Variants in AMOT observed in about 807,000 individuals in gnomAD.
The protein encoded by AMOT is angiomotin.
AMOT carries 11 observed loss-of-function variants against 67.0 expected under a neutral mutation model. The ratio of observed to expected loss-of-function variants is 0.16; its 90% confidence interval spans 0.10 to 0.27. The LOEUF (loss-of-function observed/expected upper bound fraction) is 0.27, where lower values mean the gene tolerates loss of function less well. Among genes scored for constraint, AMOT ranks in the 10% least tolerant of loss-of-function variants. The pLI, the probability that AMOT is intolerant of heterozygous loss-of-function variation, is 1.00. For synonymous variants in AMOT, 326 were observed against 321.4 expected (o/e 1.01, Z -0.15); for missense variants, 753 against 852.0 (o/e 0.88, Z 1.45).
chrX:112,800,652 A>T (rs759106435), intron 8 of AMOT, among the ~76,000 whole-genome samples: 1 of 112,558 alleles, frequency 8.9e-6, no homozygotes, highest in South Asian at 3.7e-4. Context: ...GATAGGTGTC[A>T]TAGCAGAAAA....
intron 5 of AMOT, among the ~76,000 whole-genome samples, chrX:112,813,835 A>G (rs771348863): frequency 1.1e-4 from 12 of 111,899 alleles, no homozygotes; most frequent in Non-Finnish European, 2.1e-4. Context: ...CACCAAAGCG[A>G]TGGGGATAGG....
At chrX:112,833,670 T>C (rs1332344230) in intron 1 of AMOT, among the ~76,000 whole-genome samples, 1 of 112,224 alleles carries the variant, frequency 8.9e-6, no homozygotes, top group Non-Finnish European at 1.9e-5. Context: ...CCCTAATTCA[T>C]ACGGGAAATT....
At position 112,815,872 on chromosome X, in the gene AMOT, G is replaced by C. The variant is rs761571019; in HGVS notation, c.878C>G (p.Ala293Gly). Residue 293 changes from alanine (A) to glycine (G), a missense_variant, in exon 5 of 14, where the codon GCG becomes GGG. Coordinates refer to ENST00000371959, the MANE Select transcript of AMOT (RefSeq NM_001113490.2). ...HPPEYGAARP[A>G]QDISLPLSAR... ...TGACAATGGCAATGAGATGTCCTGCGCTGGCCTGTAAAACATGAAGGGCAG... is the reference window on the plus strand; with the variant it reads ...TGACAATGGCAATGAGATGTCCTGCCCTGGCCTGTAAAACATGAAGGGCAG... 1 of 1,161,045 alleles carries C rather than the reference G, an allele frequency of 8.6e-7. No homozygotes were observed. The highest frequency in any genetic ancestry group is 1.8e-5 in the African/African-American group (1 of 55,216).
At chrX:112,810,442 C>G (rs755209646) in intron 6 of AMOT, among the ~76,000 whole-genome samples, 3 of 112,322 alleles carry the variant, frequency 2.7e-5, no homozygotes, top group African/African-American at 9.7e-5. Context: ...GGCACAGTGA[C>G]TCATGCCTGT....
chrX:112,820,006 G>C (rs751441600), intron 4 of AMOT, among the ~76,000 whole-genome samples: 2 of 112,185 alleles, frequency 1.8e-5, no homozygotes, highest in Admixed American at 9.4e-5. Context: ...CCTTAAAGCA[G>C]TACACTTCTG....
chrX:112,806,486 G>A (rs1386410659), intron 7 of AMOT, among the ~76,000 whole-genome samples: 1 of 108,775 alleles, frequency 9.2e-6, no homozygotes, highest in Non-Finnish European at 1.9e-5. Context: ...AGAGCTTAGT[G>A]GGCAGATAAT....
rs184810491 is a variant in AMOT at position 112,815,368 on chromosome X, C to T, written c.1382G>A (p.Arg461Lys). 11 of 1,207,036 alleles carry T rather than the reference C, an allele frequency of 9.1e-6. No individual in the cohort carries two copies. Among genetic ancestry groups the T allele is most frequent in the Non-Finnish European group, 1.2e-5 (11 of 893,659 alleles). The change falls in exon 5 of 14, where the codon AGA becomes AAA. Residue 461 changes from arginine (R) to lysine (K), a missense_variant. Coordinates refer to ENST00000371959, the MANE Select transcript of AMOT (RefSeq NM_001113490.2). Reference protein sequence around the residue: ...ELEGCYEKVARLQKVETEIQR... With the variant: ...ELEGCYEKVAKLQKVETEIQR... ...AAACGGAAGCCTCACCTTCTGCAGT[C>T]TTGCCACCTTCTCATAGCATCCTTC...
intron 2 of AMOT, among the ~76,000 whole-genome samples, chrX:112,829,923 CTTCT>C (rs1934945396): frequency 1.8e-5 from 2 of 111,702 alleles, no homozygotes; most frequent in African/African-American, 6.5e-5. Context: ...ATCACATCCC[CTTCT>C]TTATTATCTC....
chrX:112,793,901 T>C (rs916644959), intron 8 of AMOT, among the ~76,000 whole-genome samples: 1 of 112,288 alleles, frequency 8.9e-6, no homozygotes, highest in African/African-American at 3.2e-5. Flanking sequence ...GCCTCTGCCT[T>C]CCTATTTGCT....
At chrX:112,805,172 C>A in intron 7 of AMOT, 80 bp from the exon 8 acceptor site, 1 of 1,115,887 alleles carries the variant, frequency 9.0e-7, no homozygotes, top group Non-Finnish European at 1.2e-6. Flanking sequence ...CACATCATAC[C>A]CTTTACTAGA....
chrX:112,809,785 T>C lies in AMOT; in HGVS notation c.1630+109A>G, dbSNP rs1297212613. Reference sequence around the variant, plus strand: ...TAGGAAAAACAATCCTTAGGTGATATTGACTCTGCCCTGGCTGTTCTAAAA... The same window carrying C: ...TAGGAAAAACAATCCTTAGGTGATACTGACTCTGCCCTGGCTGTTCTAAAA... On this transcript the variant is annotated intron_variant, in intron 7 of 13. Coordinates refer to ENST00000371959, the MANE Select transcript of AMOT (RefSeq NM_001113490.2). 1.1e-5 allele frequency: 7 copies of C among 618,398 alleles called. No individual in the cohort carries two copies. The African/African-American group carries it at 1.3e-4, about 12-fold the overall frequency. The allele number at this position is 618,398 out of a possible 1,213,427, so 51.0% of individuals were successfully genotyped here. A position where few individuals can be genotyped will look rare whatever the true frequency, so the allele number is the denominator to read the frequency against.
At chrX:112,814,354 G>C (rs1225875345) in intron 5 of AMOT, among the ~76,000 whole-genome samples, 1 of 111,385 alleles carries the variant, frequency 9.0e-6, no homozygotes, top group African/African-American at 3.3e-5. Flanking sequence ...CAGATTTGGT[G>C]TCTGTTTACA....
intron 8 of AMOT, among the ~76,000 whole-genome samples, chrX:112,796,691 C>G (rs1399369579): frequency 2.7e-5 from 3 of 111,963 alleles, no homozygotes; most frequent in African/African-American, 9.7e-5. Context: ...CTCCCGCCTC[C>G]TACAGTACTC....
chrX:112,818,678 A>G (rs1934632424), intron 4 of AMOT, among the ~76,000 whole-genome samples: 1 of 111,590 alleles, frequency 9.0e-6, no homozygotes, highest in African/African-American at 3.3e-5. Context: ...TTAAGGAATG[A>G]CGGGGTAAGG....
chrX:112,828,543 A>C (rs1244109993), intron 2 of AMOT, among the ~76,000 whole-genome samples: 3 of 108,689 alleles, frequency 2.8e-5, no homozygotes, highest in Non-Finnish European at 5.7e-5. Context: ...AATTTTATGA[A>C]GAAAGGTTGT....
intron 7 of AMOT, among the ~76,000 whole-genome samples, 180 bp downstream of exon 7, chrX:112,809,714 T>C (rs1260396153): frequency 9.0e-6 from 1 of 111,154 alleles, no homozygotes; most frequent in African/African-American, 3.3e-5. Context: ...AGCAGCCTTC[T>C]TGGCTTAGGA....
rs1393712115 is a variant in AMOT at position 112,778,638 on chromosome X, G to C, written c.3184C>G (p.Leu1062Val). The change falls in exon 14 of 14, where the codon CTG (leucine) becomes GTG (valine). Residue 1062 changes from leucine (L) to valine (V), a missense_variant. Leu to Val is a conservative substitution (Grantham distance 32). Coordinates refer to ENST00000371959, the MANE Select transcript of AMOT (RefSeq NM_001113490.2). ...ATCTGAATGGGAGTTTTTCTTTCCA[G>C]AGTATTGGAGTGGAACACAGGCCCA... ...TDGPVFHSNT[L>V]ERKTPIQILG... is the part of the protein sequence containing the mutation. The C allele has an allele frequency of 3.3e-6, 4 of 1,203,717 alleles. No individual in the cohort carries two copies. The South Asian group carries it at 7.2e-5, about 22-fold the overall frequency.
intron 10 of AMOT, among the ~76,000 whole-genome samples, chrX:112,789,519 C>T (rs925940858): frequency 3.6e-5 from 4 of 110,176 alleles, no homozygotes; most frequent in Non-Finnish European, 7.6e-5. Flanking sequence ...CCTAAAGAAC[C>T]GAAGTGGGCT....
intron 11 of AMOT, among the ~76,000 whole-genome samples, chrX:112,782,188 C>T (rs1286680629): frequency 2.7e-5 from 3 of 112,053 alleles, no homozygotes; most frequent in Non-Finnish European, 5.6e-5. Flanking sequence ...TGTGCCCGGC[C>T]GAGCAGATGT....
Sources: allele counts gnomAD v4.1 joint callset (sites outside exome capture counted in the v4.1 genomes callset), GRCh38; gene constraint gnomAD v4.1.1; transcripts MANE v1.5; gene names NCBI Gene and HGNC (gene_info 2026-07-23, HGNC 2026-07-21).